HEPH: variants seen among roughly 807,000 people sequenced by gnomAD.
The protein encoded by HEPH is hephaestin.
HEPH carries 69 observed loss-of-function variants against 80.8 expected under a neutral mutation model. The ratio of observed to expected loss-of-function variants is 0.85; its 90% CI spans 0.70 to 1.04. The LOEUF (loss-of-function observed/expected upper bound fraction) is 1.04, where lower values mean the gene tolerates loss of function less well. Ranked by LOEUF, HEPH falls within the 50% of genes least tolerant of loss-of-function variation. The probability of loss-of-function intolerance (pLI) is 0.00; values close to 1 mark genes in which losing one functional copy is unlikely to be tolerated. For missense variants in HEPH, 1,115 were observed against 891.3 expected (o/e 1.25, Z -3.20); for synonymous variants, 431 against 322.8 (o/e 1.34, Z -3.60).
At chrX:66,220,333 G>T (rs996149092) in intron 15 of HEPH, among the ~76,000 whole-genome samples, 3 of 111,378 alleles carry the variant, frequency 2.7e-5, no homozygotes, top group Non-Finnish European at 3.8e-5. Flanking sequence ...TGGCTCAGGA[G>T]CACGTTTATA....
intron 15 of HEPH, among the ~76,000 whole-genome samples, chrX:66,237,848 G>A (rs750614304): frequency 8.9e-6 from 1 of 112,404 alleles, no homozygotes; most frequent in South Asian, 3.6e-4. Context: ...AGGTGCTCTT[G>A]TTGAAGTGAA....
intron 13 of HEPH, among the ~76,000 whole-genome samples, chrX:66,206,930 T>G (rs1392722730): frequency 9.1e-6 from 1 of 109,909 alleles, no homozygotes; most frequent in Non-Finnish European, 1.9e-5. Flanking sequence ...GGCAGGATAA[T>G]CGCTTGAACT....
intron 15 of HEPH, among the ~76,000 whole-genome samples, chrX:66,223,438 C>T (rs1602405452): frequency 9.0e-6 from 1 of 111,036 alleles, no homozygotes; most frequent in Non-Finnish European, 1.9e-5. Flanking sequence ...CTAAATTTCA[C>T]CTTTATATTA....
intron 13 of HEPH, 116 bp from the exon 14 acceptor site, chrX:66,207,078 CT>C (rs1240332210): frequency 2.3e-3 from 992 of 437,381 alleles, no homozygotes; most frequent in Middle Eastern, 3.3e-3. Flanking sequence ...GGTCCCCCCC[CT>C]TTTTTTTTTC....
At chrX:66,191,575 A>G (rs1025596977) in intron 6 of HEPH, among the ~76,000 whole-genome samples, 42 of 112,051 alleles carry the variant, frequency 3.7e-4, no homozygotes, top group African/African-American at 1.3e-3. Context: ...ACATTTGAAA[A>G]CACTACTTAG....
At chrX:66,214,063 T>A (rs775550798) in intron 15 of HEPH, among the ~76,000 whole-genome samples, 23 of 112,311 alleles carry the variant, frequency 2.0e-4, no homozygotes, top group African/African-American at 6.5e-4. Context: ...TGCCTGCAAC[T>A]GGGTAAACTG....
rs1467619165 is a variant in HEPH at position 66,186,142 on chromosome X, A to C, written c.626-2217A>C. Among the ~76,000 whole-genome samples the C allele has an allele frequency of 1.8e-4, 14 of 78,555 alleles. No homozygotes were observed. In the South Asian group the frequency reaches 8.1e-3, roughly 45 times the overall value. 68.2% of individuals were successfully genotyped at this position (78,555 alleles called of 115,157 possible). On this transcript the variant is annotated intron_variant, in intron 4 of 20. Coordinates refer to ENST00000343002, the MANE Select transcript of HEPH (RefSeq NM_001367233.3). ...AGGGACACTTAAGTCTGCAGAGGTT[A>C]CTGCTGTCTTTTTGTTTGTCTGTGC...
At chrX:66,176,136 A>C (rs934403387) in intron 4 of HEPH, among the ~76,000 whole-genome samples, 1 of 111,758 alleles carries the variant, frequency 8.9e-6, no homozygotes, top group African/African-American at 3.3e-5. Flanking sequence ...ATTCAGTATA[A>C]TGTTGGCTGT....
At chrX:66,186,698 G>C (rs1009084494) in intron 4 of HEPH, among the ~76,000 whole-genome samples, 3 of 111,778 alleles carry the variant, frequency 2.7e-5, no homozygotes, top group African/African-American at 6.5e-5. Flanking sequence ...GACCGGAGCT[G>C]TTCCTATTCG....
chrX:66,267,961 T>C (rs898116069), downstream of HEPH: 2 of 111,698 alleles, frequency 1.8e-5, no homozygotes, highest in African/African-American at 6.5e-5. Context: ...GAAAAGATGA[T>C]AACTATGTAC....
At chrX:66,222,937 T>A (rs2089715962) in intron 15 of HEPH, among the ~76,000 whole-genome samples, 1 of 111,677 alleles carries the variant, frequency 9.0e-6, no homozygotes, top group African/African-American at 3.3e-5. Flanking sequence ...AAGAGTTAAA[T>A]TTTTCTTAGC....
intron 15 of HEPH, among the ~76,000 whole-genome samples, chrX:66,210,954 T>C (rs1055149209): frequency 1.1e-4 from 12 of 111,127 alleles, no homozygotes; most frequent in Admixed American, 9.6e-4. Context: ...AAAATCTTAA[T>C]ATGAGATGCC....
At chrX:66,231,573 CTGTT>C (rs1478227504) in intron 15 of HEPH, among the ~76,000 whole-genome samples, 14 of 109,704 alleles carry the variant, frequency 1.3e-4, no homozygotes, top group East Asian at 2.9e-4. Context: ...ATTTGGCTCT[CTGTT>C]TGTCTGTTGT....
intron 20 of HEPH, among the ~76,000 whole-genome samples, chrX:66,264,598 G>A (rs2091473687): frequency 9.2e-6 from 1 of 108,443 alleles, no homozygotes; most frequent in Non-Finnish European, 1.9e-5. Flanking sequence ...GAGCTAAAAG[G>A]AACATTAGAG....
In HEPH at chrX:66,203,520, A is replaced by G. The variant is rs1408230103; in HGVS notation, c.2234A>G (p.Asp745Gly). ...ATCATGGCAGAAGAAGTAGAGTGGG[A>G]CTATTGCCCTGACCGGAGCTGGGAA... ...YYIMAEEVEW[D>G]YCPDRSWERE... is the part of the protein sequence containing the mutation. The change falls in exon 13 of 21, where the codon GAC (aspartate) becomes GGC (glycine). Residue 745 changes from aspartate to glycine, a missense_variant. Physicochemically the swap from Asp to Gly is moderately conservative, Grantham distance 94. Around this residue, in one of 3 missense-constraint regions of HEPH, gnomAD observed 716 missense variants for 523.5 expected, o/e 1.37. Transcript: ENST00000343002. The G allele has an allele frequency of 2.5e-6, 3 of 1,210,278 alleles. No homozygotes were observed. The highest frequency in any genetic ancestry group is 2.2e-5 in the Admixed American group (1 of 45,840).
intron 15 of HEPH, among the ~76,000 whole-genome samples, chrX:66,249,194 T>C (rs1461375142): frequency 9.0e-6 from 1 of 110,579 alleles, no homozygotes; most frequent in Non-Finnish European, 1.9e-5. Flanking sequence ...GATGAGAGCT[T>C]TTGTAGAGTA....
intron 12 of HEPH, 121 bp from the exon 13 acceptor site, chrX:66,203,243 C>A (rs945591958): frequency 2.4e-5 from 13 of 540,077 alleles, no homozygotes; most frequent in Non-Finnish European, 3.9e-5. Context: ...AGGCAAGAGC[C>A]TTATCTGAGA....
At position 66,259,097 on chromosome X, in the gene HEPH, G is replaced by C. The variant is rs1203683936; in HGVS notation, c.3036+118G>C. On this transcript the variant is annotated intron_variant, in intron 18 of 20. Coordinates refer to ENST00000343002, the MANE Select transcript of HEPH (RefSeq NM_001367233.3). ...CAATTAGTTAAAGAGCAGAGGTCTA[G>C]TACATGGAGCACTGAGCTGGAAATT... 3.9e-6 allele frequency: 3 copies of C among 777,387 alleles called. No individual in the cohort carries two copies. In the African/African-American group the frequency reaches 6.4e-5, roughly 17 times the overall value. 64.1% of individuals were successfully genotyped at this position (777,387 alleles called of 1,213,427 possible).
At chrX:66,233,948 G>A (rs953646881) in intron 15 of HEPH, among the ~76,000 whole-genome samples, 2 of 110,651 alleles carry the variant, frequency 1.8e-5, no homozygotes, top group Admixed American at 9.7e-5. Context: ...ACATGTTCAA[G>A]TTTGTTATAT....
Sources: allele counts gnomAD v4.1 joint callset (sites outside exome capture counted in the v4.1 genomes callset), GRCh38; gene constraint gnomAD v4.1.1; regional missense constraint gnomAD v4.1.1; transcripts MANE v1.5; gene names NCBI Gene and HGNC (gene_info 2026-07-23, HGNC 2026-07-21).